SCARB1: variants seen among roughly 807,000 people sequenced by gnomAD.
SCARB1 encodes scavenger receptor class B member 1, also known as CD36 and LIMPII analogous 1.
Under a neutral mutation model 57.2 loss-of-function variants are expected in SCARB1, and 30 were observed. The ratio of observed to expected loss-of-function variants is 0.52; its 90% CI spans 0.39 to 0.71. The LOEUF (loss-of-function observed/expected upper bound fraction) is 0.71. Among genes scored for constraint, SCARB1 ranks in the 30% least tolerant of loss-of-function variants. SCARB1 has a pLI of 0.00. For synonymous variants in SCARB1, 249 were observed against 268.3 expected, an observed-to-expected ratio of 0.93 and a Z score of 0.70; for missense variants, 543 against 671.2, an observed-to-expected ratio of 0.81 and a Z score of 2.11.
At chr12:124,837,349 A>G (rs1159528961) in intron 1 of SCARB1, among the ~76,000 whole-genome samples, 7 of 151,984 alleles carry the variant, frequency 4.6e-5, no homozygotes, top group Admixed American at 4.6e-4. Context: ...GACCAAATCC[A>G]GCCTGATGCC....
chr12:124,813,538 T>G (rs559268650), intron 4 of SCARB1, among the ~76,000 whole-genome samples: 1 of 152,382 alleles, frequency 6.6e-6, no homozygotes, highest in Non-Finnish European at 1.5e-5. Flanking sequence ...AACTAGGGAC[T>G]TTGTAATAAC....
chr12:124,781,120 TC>T (rs1873382090), intron 12 of SCARB1, among the ~76,000 whole-genome samples: 1 of 152,100 alleles, frequency 6.6e-6, no homozygotes, highest in Admixed American at 6.5e-5. Context: ...CACCCCCTAC[TC>T]CCAGATGGAC....
chr12:124,815,314 G>A (rs1950669748), intron 2 of SCARB1, among the ~76,000 whole-genome samples, 200 bp from the exon 3 acceptor site: 4 of 152,066 alleles, frequency 2.6e-5, no homozygotes, highest in Non-Finnish European at 5.9e-5. Flanking sequence ...TGGTGTCGCC[G>A]CCCACCCGGC....
intron 1 of SCARB1, among the ~76,000 whole-genome samples, chr12:124,848,432 G>A (rs528172448): frequency 2.1e-4 from 32 of 152,358 alleles, no homozygotes; most frequent in African/African-American, 7.5e-4. Flanking sequence ...TATTGGGGCC[G>A]TAAGGGAATC....
intron 1 of SCARB1, among the ~76,000 whole-genome samples, chr12:124,824,979 C>T (rs1383436373): frequency 6.6e-6 from 1 of 152,142 alleles, no homozygotes; most frequent in Non-Finnish European, 1.5e-5. Context: ...AATCCCAGCA[C>T]TTTGGGAGGC....
rs1950476655 is a variant in SCARB1 at position 124,810,325 on chromosome 12, G to C, written c.727-36C>G. 1 of 1,465,096 alleles carries C rather than the reference G, an allele frequency of 6.8e-7. No homozygotes were observed. The highest frequency in any genetic ancestry group is 1.7e-5 in the Admixed American group (1 of 59,682). 90.8% of individuals were successfully genotyped at this position (1,465,096 alleles called of 1,614,324 possible). A position where few individuals can be genotyped will look rare whatever the true frequency, so the allele number is the denominator to read the frequency against. On this transcript the variant is annotated intron_variant, in intron 5 of 12. Transcript: ENST00000261693. The surrounding 1 kb of genome is among the most constrained non-coding windows in gnomAD (Gnocchi z 4.0). ...GCATCCAGACTAGACCCCTCAGTAGGGCCAAGGCCCCTTAATAAGCCCTCT... is the reference window on the plus strand; with the variant it reads ...GCATCCAGACTAGACCCCTCAGTAGCGCCAAGGCCCCTTAATAAGCCCTCT...
intron 1 of SCARB1, among the ~76,000 whole-genome samples, chr12:124,818,088 C>A (rs955618250): frequency 5.9e-5 from 9 of 152,160 alleles, no homozygotes; most frequent in Non-Finnish European, 1.5e-5. Context: ...CCAGGGGGAT[C>A]ATTCATTCAT....
intron 1 of SCARB1, among the ~76,000 whole-genome samples, chr12:124,858,735 T>C (rs775156328): frequency 6.6e-6 from 1 of 151,810 alleles, no homozygotes; most frequent in Non-Finnish European, 1.5e-5. Context: ...AAAAACTAGG[T>C]GGGTGCGGTG....
intron 1 of SCARB1, among the ~76,000 whole-genome samples, chr12:124,851,741 G>A (rs1952409725): frequency 1.3e-5 from 2 of 151,744 alleles, no homozygotes; most frequent in Middle Eastern, 3.4e-3. Flanking sequence ...CAAGTAGCTG[G>A]GACTACAGGT....
intron 1 of SCARB1, among the ~76,000 whole-genome samples, chr12:124,858,910 T>C (rs1206787650): frequency 1.3e-5 from 2 of 151,806 alleles, no homozygotes; most frequent in African/African-American, 4.8e-5. Flanking sequence ...GATTTCACTT[T>C]GTTGCCCAGG....
chr12:124,831,847 G>A (rs563584483), intron 1 of SCARB1, among the ~76,000 whole-genome samples: 2 of 152,320 alleles, frequency 1.3e-5, no homozygotes, highest in South Asian at 2.1e-4. Context: ...CGGAACTAGG[G>A]CCTAATCAAT....
At chr12:124,824,724 T>G (rs1222258163) in intron 1 of SCARB1, among the ~76,000 whole-genome samples, 1 of 152,138 alleles carries the variant, frequency 6.6e-6, no homozygotes, top group East Asian at 1.9e-4. Flanking sequence ...GGGTCAGGTG[T>G]GAGCAAAGCC....
At chr12:124,787,548 A>G in intron 9 of SCARB1, 91 bp from the exon 10 acceptor site, 1 of 1,205,182 alleles carries the variant, frequency 8.3e-7, no homozygotes, top group Non-Finnish European at 1.2e-6. Context: ...AAACAGGTTT[A>G]GTATAATTTT....
At chr12:124,815,883 A>T (rs560391667) in intron 2 of SCARB1, among the ~76,000 whole-genome samples, 1 of 152,208 alleles carries the variant, frequency 6.6e-6, no homozygotes, top group African/African-American at 2.4e-5. Flanking sequence ...AGTAGAAATC[A>T]GATCGTGCCA....
chr12:124,804,616 A>G (rs1160151867), intron 7 of SCARB1, among the ~76,000 whole-genome samples: 1 of 152,236 alleles, frequency 6.6e-6, no homozygotes, highest in African/African-American at 2.4e-5. Context: ...AGCAGAGGCC[A>G]ATGCCCAGAC....
intron 1 of SCARB1, among the ~76,000 whole-genome samples, chr12:124,825,092 G>A (rs1247026546): frequency 2.0e-5 from 3 of 151,938 alleles, no homozygotes; most frequent in Non-Finnish European, 4.4e-5. Flanking sequence ...AGGCGTGGTG[G>A]CAGATGCCTG....
chr12:124,792,231 AGCT>A lies in SCARB1; in HGVS notation c.1202+2961_1202+2963del, dbSNP rs1462963620. 2.6e-5 allele frequency among the ~76,000 whole-genome samples: 4 copies of A among 152,136 alleles called. 1 individual carries two copies. Among genetic ancestry groups the A allele is most frequent in the African/African-American group, 7.2e-5 (3 of 41,386 alleles). On this transcript the variant is annotated intron_variant, in intron 9 of 12. Transcript: ENST00000261693. ...AAGCTTCCCCGACAGGTCACGAGAC[AGCT>A]CTGCTTCCCGGCAGCTGTGTCTCTA...
rs1394728939 is a variant in SCARB1, at chr12:124,800,533, G to A, written c.1010-291C>T. ...GCCAGGTGAAGGATGCCCGGGAAGC[G>A]CATTCCAGGTGGAAGGGAAGGCAGA... On this transcript the variant is annotated intron_variant, in intron 7 of 12. Coordinates refer to ENST00000261693, the MANE Select transcript of SCARB1 (RefSeq NM_005505.5). This position sits in a 1 kb window ranked among gnomAD's most constrained non-coding sequence, Gnocchi z 4.8. Among the ~76,000 whole-genome samples, 3 of 152,220 alleles carry A rather than the reference G, an allele frequency of 2.0e-5. No individual in the cohort carries two copies. The highest frequency in any genetic ancestry group is 4.1e-4 in the South Asian group (2 of 4,838).
chr12:124,787,359 T>A (rs374328796), intron 10 of SCARB1, 47 bp downstream of exon 10: 131 of 1,587,486 alleles, frequency 8.3e-5, no homozygotes, highest in Non-Finnish European at 1.0e-4. Flanking sequence ...AATGCCCACA[T>A]TGGCTCTTAA....
Sources: allele counts gnomAD v4.1 joint callset (sites outside exome capture counted in the v4.1 genomes callset), GRCh38; gene constraint gnomAD v4.1.1; non-coding constraint Gnocchi (gnomAD v3.1); transcripts MANE v1.5; gene names NCBI Gene and HGNC (gene_info 2026-07-23, HGNC 2026-07-21).